URI1: variants seen among roughly 807,000 people sequenced by gnomAD.
The protein encoded by URI1 is URI1 prefoldin like chaperone.
A neutral mutation model predicts 60.2 loss-of-function variants in URI1; 39 were observed. The ratio of observed to expected loss-of-function variants is 0.65; its 90% CI spans 0.50 to 0.85. URI1 has a LOEUF of 0.85. Ranked by LOEUF, URI1 falls within the 40% of genes least tolerant of loss-of-function variation. The pLI, the probability that URI1 is intolerant of heterozygous loss-of-function variation, is 0.00. For synonymous variants in URI1, 251 were observed against 236.8 expected, an observed-to-expected ratio of 1.06 and a Z score of -0.55; for missense variants, 691 against 665.9, an observed-to-expected ratio of 1.04 and a Z score of -0.42.
chr19:29,975,026 A>G (rs1453008409), intron 2 of URI1, among the ~76,000 whole-genome samples: 1 of 151,206 alleles, frequency 6.6e-6, no homozygotes, highest in African/African-American at 2.4e-5. Context: ...TATTGTGATC[A>G]TTGTGGTAGT....
chr19:29,975,233 G>A (rs8105953), intron 2 of URI1, among the ~76,000 whole-genome samples: 9,288 of 151,914 alleles, frequency 0.061, 438 homozygotes, highest in East Asian at 0.22. Context: ...GCCAACATCT[G>A]TTCTTTTTTG....
rs112774025 is a variant in URI1, at chr19:30,009,135, G to T, written c.817G>T (p.Ala273Ser). 1.5e-5 allele frequency: 24 copies of T among 1,613,896 alleles called. No individual in the cohort carries two copies. Among genetic ancestry groups the T allele is most frequent in the African/African-American group, 1.5e-4 (11 of 74,912 alleles). The change falls in exon 8 of 11, where the codon GCA becomes TCA. Residue 273 changes from alanine to serine, a missense_variant. Coordinates refer to ENST00000392271, the MANE Select transcript of URI1 (RefSeq NM_003796.3). ...DSHTPCHKDV[A>S]SSEPFSGQVN... ...TCATACTCCTTGTCATAAGGATGTT[G>T]CAAGTTCAGAACCATTCAGTGGTCA...
chr19:30,015,680 T>G lies in URI1; in HGVS notation c.*611T>G. The stretch of plus-strand genomic sequence containing the variant: ...ATTTTGTAAAACTTTTTTTTCCAAG[T>G]AAAAACTTTATGAAACTTGGTCTCA... On this transcript the variant is annotated 3_prime_UTR_variant, in exon 11 of 11. Coordinates refer to ENST00000392271, the MANE Select transcript of URI1 (RefSeq NM_003796.3). The G allele has an allele frequency of 8.2e-7, 1 of 1,226,922 alleles. No homozygotes were observed. The highest frequency in any genetic ancestry group is 1.1e-6 in the Non-Finnish European group (1 of 892,882). 76.0% of individuals were successfully genotyped at this position (1,226,922 alleles called of 1,614,324 possible). A position where few individuals can be genotyped will look rare whatever the true frequency, so the allele number is the denominator to read the frequency against.
chr19:29,999,044 CAACTT>C (rs899594342), intron 4 of URI1, among the ~76,000 whole-genome samples: 3 of 151,894 alleles, frequency 2.0e-5, no homozygotes, highest in South Asian at 2.1e-4. Flanking sequence ...GAATTTATAC[CAACTT>C]AACTTCAATC....
At chr19:30,005,538 A>T in intron 5 of URI1, 86 bp downstream of exon 5, 3 of 1,489,400 alleles carry the variant, frequency 2.0e-6, no homozygotes, top group Non-Finnish European at 2.7e-6. Context: ...GAACAAATTA[A>T]TTGAAGTTTA....
chr19:29,931,487 G>T lies in URI1; in HGVS notation c.63+7733G>T, dbSNP rs950278727. ...AGGGACACTAATCCTATTGAACCAA[G>T]GCCCCACCTTCATTTAACATTAATT... On this transcript the variant is annotated intron_variant, in intron 1 of 10. Coordinates refer to the URI1 transcript ENST00000360605. 2.0e-5 allele frequency among the ~76,000 whole-genome samples: 3 copies of T among 152,210 alleles called. No homozygotes were observed. In the East Asian group the frequency reaches 5.8e-4, roughly 29 times the overall value.
intron 1 of URI1, among the ~76,000 whole-genome samples, chr19:29,963,373 T>C (rs965232779): frequency 2.0e-5 from 3 of 152,154 alleles, no homozygotes; most frequent in Non-Finnish European, 4.4e-5. Context: ...ATTTCTGCTG[T>C]TTAATCTTCT....
At chr19:29,986,869 GA>G (rs1159542567) in intron 4 of URI1, among the ~76,000 whole-genome samples, 1 of 151,346 alleles carries the variant, frequency 6.6e-6, no homozygotes, top group Non-Finnish European at 1.5e-5. Flanking sequence ...TTTTGGTTTG[GA>G]AAAAAAACCA....
chr19:29,962,173 T>A (rs772088553), intron 1 of URI1, among the ~76,000 whole-genome samples: 2 of 152,110 alleles, frequency 1.3e-5, no homozygotes, highest in African/African-American at 4.8e-5. Context: ...GCTGTTTTTG[T>A]TTTCTGTAAG....
At chr19:29,963,149 G>A (rs936805966) in intron 1 of URI1, among the ~76,000 whole-genome samples, 46 of 152,130 alleles carry the variant, frequency 3.0e-4, no homozygotes, top group African/African-American at 1.1e-3. Flanking sequence ...TCAGTCTATC[G>A]GCTGATACTT....
At chr19:29,932,553 G>A (rs2054930544) in intron 1 of URI1, among the ~76,000 whole-genome samples, 1 of 151,946 alleles carries the variant, frequency 6.6e-6, no homozygotes, top group African/African-American at 2.4e-5. Flanking sequence ...CTGACCTCAG[G>A]TGATTCACCT....
At chr19:30,001,601 T>C (rs1295429459) in intron 4 of URI1, among the ~76,000 whole-genome samples, 1 of 151,926 alleles carries the variant, frequency 6.6e-6, no homozygotes, top group Non-Finnish European at 1.5e-5. Context: ...CTTTTCAAAC[T>C]TTTATCTAGA....
At chr19:29,930,757 C>T (rs184807157) in intron 1 of URI1, among the ~76,000 whole-genome samples, 103 of 151,902 alleles carry the variant, frequency 6.8e-4, no homozygotes, top group African/African-American at 2.1e-3. Context: ...TGCAGTGGTG[C>T]GATCTCGGCT....
At chr19:30,007,196 G>A (rs947828720) in intron 6 of URI1, among the ~76,000 whole-genome samples, 2 of 152,054 alleles carry the variant, frequency 1.3e-5, no homozygotes, top group African/African-American at 4.8e-5. Flanking sequence ...GGCTCTTGTT[G>A]AAATACAGAT....
intron 10 of URI1, chr19:30,014,216 C>A (rs1314129291): frequency 1.3e-5 from 2 of 152,080 alleles, no homozygotes; most frequent in Non-Finnish European, 2.9e-5. Context: ...ATGCAGCAAA[C>A]ATCCAGGTGA....
intron 2 of URI1, among the ~76,000 whole-genome samples, chr19:29,979,036 T>C (rs900418295): frequency 6.6e-6 from 1 of 152,188 alleles, no homozygotes; most frequent in African/African-American, 2.4e-5. Flanking sequence ...TAAAAGGGTT[T>C]TTTAATTGCT....
rs2055667569 is a variant in URI1 at position 29,986,266 on chromosome 19, T to C, written c.232-16T>C. 2 of 1,538,410 alleles carry C rather than the reference T, an allele frequency of 1.3e-6. No individual in the cohort carries two copies. Among genetic ancestry groups the C allele is most frequent in the Non-Finnish European group, 1.7e-6 (2 of 1,151,286 alleles). On this transcript the variant is annotated splice_polypyrimidine_tract_variant and intron_variant, in intron 3 of 10. Transcript: ENST00000392271. ...TTTTATGTTTTTTCCCTTTTTTCTT[T>C]TTTTTTAAACAATAGGTACCATTTG...
At chr19:29,928,207 T>G (rs1399509588) in intron 1 of URI1, among the ~76,000 whole-genome samples, 1 of 152,028 alleles carries the variant, frequency 6.6e-6, no homozygotes, top group Non-Finnish European at 1.5e-5. Context: ...GGAGCGGTGA[T>G]TTTTGCCACT....
chr19:29,985,286 G>A lies in URI1; in HGVS notation c.216G>A (p.Leu72=), dbSNP rs768563724. Residue 72 remains leucine (L), a synonymous_variant, in exon 3 of 11, where the codon TTG becomes TTA. Coordinates refer to ENST00000392271, the MANE Select transcript of URI1 (RefSeq NM_003796.3). The stretch of plus-strand genomic sequence containing the variant: ...GACTCAGCACCTTGCCTGATAAATT[G>A]TCTTATAATATAATGGTATGTTTGG... The part of the protein sequence containing the change: ...RERLSTLPDK[L]SYNIMVPFGP... 6.2e-7 allele frequency: 1 copy of A among 1,603,332 alleles called. No individual in the cohort carries two copies.
Sources: allele counts gnomAD v4.1 joint callset (sites outside exome capture counted in the v4.1 genomes callset), GRCh38; gene constraint gnomAD v4.1.1; transcripts MANE v1.5; gene names NCBI Gene and HGNC (gene_info 2026-07-23, HGNC 2026-07-21).